GATAD2A: variants seen among roughly 807,000 people sequenced by gnomAD.
GATAD2A encodes GATA zinc finger domain containing 2A.
A neutral mutation model predicts 68.5 loss-of-function variants in GATAD2A; 12 were observed. The ratio of observed to expected loss-of-function variants is 0.18; its 90% CI spans 0.11 to 0.28. The LOEUF (loss-of-function observed/expected upper bound fraction) is 0.28, where lower values mean the gene tolerates loss of function less well. Ranked by LOEUF, GATAD2A falls within the 10% of genes least tolerant of loss-of-function variation. The pLI, the probability that GATAD2A is intolerant of heterozygous loss-of-function variation, is 1.00. For synonymous variants in GATAD2A, 410 were observed against 375.3 expected (o/e 1.09, Z -1.07); for missense variants, 755 against 868.5 (o/e 0.87, Z 1.64).
chr19:19,469,037 C>T (rs1434651516), intron 2 of GATAD2A, among the ~76,000 whole-genome samples: 9 of 152,208 alleles, frequency 5.9e-5, no homozygotes, highest in Non-Finnish European at 1.5e-5. Context: ...CTGTATCTTA[C>T]TGGAATCAAG....
At chr19:19,461,174 C>T (rs543638823) in intron 1 of GATAD2A, among the ~76,000 whole-genome samples, 5 of 152,294 alleles carry the variant, frequency 3.3e-5, no homozygotes, top group Admixed American at 6.5e-5. Flanking sequence ...CTGCTGCTCC[C>T]GCCAGTGCTT....
intron 3 of GATAD2A, 38 bp downstream of exon 3, chr19:19,492,476 G>C (rs948611589): frequency 1.2e-6 from 2 of 1,613,446 alleles, no homozygotes; most frequent in Non-Finnish European, 1.7e-6. Context: ...GAGCCCCACT[G>C]TGCCCTTCCT....
chr19:19,498,013 TG>T (rs1241918538), intron 7 of GATAD2A, among the ~76,000 whole-genome samples: 1 of 152,136 alleles, frequency 6.6e-6, no homozygotes, highest in African/African-American at 2.4e-5. Flanking sequence ...GAGAGGCTCA[TG>T]GGGGTGCTGC....
chr19:19,500,363 C>T (rs752993462), intron 8 of GATAD2A, among the ~76,000 whole-genome samples: 4 of 152,234 alleles, frequency 2.6e-5, no homozygotes, highest in South Asian at 2.1e-4. Context: ...CCGAGAGTCT[C>T]GCCACATCCA....
intron 1 of GATAD2A, among the ~76,000 whole-genome samples, chr19:19,437,498 A>T (rs768854795): frequency 6.6e-6 from 1 of 152,184 alleles, no homozygotes; most frequent in Non-Finnish European, 1.5e-5. Context: ...TTTTATATAT[A>T]TTCAAGAGTT....
At chr19:19,420,496 C>T (rs1300332320) in intron 1 of GATAD2A, among the ~76,000 whole-genome samples, 7 of 134,970 alleles carry the variant, frequency 5.2e-5, no homozygotes, top group African/African-American at 1.1e-4. Flanking sequence ...CACGCCTGGC[C>T]AATTTTTTTT....
At chr19:19,456,606 T>A (rs1239426927) in intron 1 of GATAD2A, among the ~76,000 whole-genome samples, 1 of 152,222 alleles carries the variant, frequency 6.6e-6, no homozygotes, top group Non-Finnish European at 1.5e-5. Context: ...CATCCCGCAG[T>A]GTTTTTAGGA....
In GATAD2A at chr19:19,508,777, C is replaced by G. The variant is rs1008642074; in HGVS notation, c.*3303C>G. On this transcript the variant is annotated 3_prime_UTR_variant, in exon 12 of 12. Transcript: ENST00000683918. ...GCTGTCACTTGTATTTATTGTGACT[C>G]TAAATCTTTGATAGTAAAACAAATG... The G allele has an allele frequency of 1.3e-5, 2 of 152,058 alleles. No homozygotes were observed. The highest frequency in any genetic ancestry group is 2.9e-5 in the Non-Finnish European group (2 of 68,024). 9.4% of individuals were successfully genotyped at this position (152,058 alleles called of 1,614,324 possible). A position where few individuals can be genotyped will look rare whatever the true frequency, so the allele number is the denominator to read the frequency against.
intron 1 of GATAD2A, chr19:19,429,256 G>T (rs533746867): frequency 5.5e-5 from 54 of 984,522 alleles, no homozygotes; most frequent in South Asian, 1.9e-4. Flanking sequence ...GAGGGGCTGG[G>T]GGGGAGAGCT....
chr19:19,507,037 A>G lies in GATAD2A; in HGVS notation c.*1563A>G, dbSNP rs2060894796. On this transcript the variant is annotated 3_prime_UTR_variant, in exon 12 of 12. Coordinates refer to ENST00000683918, the MANE Select transcript of GATAD2A (RefSeq NM_001384528.1). ...GGAAACTTTTTTTGACACAGCATAG[A>G]AGACCTAGTTTTGGAAAACATTATC... 1 of 152,136 alleles carries G rather than the reference A, an allele frequency of 6.6e-6. No homozygotes were observed. The highest frequency in any genetic ancestry group is 2.4e-5 in the African/African-American group (1 of 41,422). The allele number at this position is 152,136 out of a possible 1,614,324, so 9.4% of individuals were successfully genotyped here. A position where few individuals can be genotyped will look rare whatever the true frequency, so the allele number is the denominator to read the frequency against.
Position 19,415,851 on chromosome 19 carries a change from C to T in GATAD2A, c.-7+9832C>T, listed in dbSNP as rs536770242. 2.2e-3 allele frequency among the ~76,000 whole-genome samples: 329 copies of T among 151,674 alleles called. 1 individual carries two copies. The highest frequency in any genetic ancestry group is 7.6e-3 in the African/African-American group (315 of 41,346). On this transcript the variant is annotated intron_variant, in intron 1 of 11. Transcript: ENST00000683918. The stretch of plus-strand genomic sequence containing the variant: ...CAGGATGGTCTTGATCCCTTGACCT[C>T]GTGATCCACCCACCTTGGCCTCCCC...
upstream of GATAD2A, among the ~76,000 whole-genome samples, chr19:19,404,199 C>T (rs537377205): frequency 4.1e-4 from 62 of 151,500 alleles, no homozygotes; most frequent in Non-Finnish European, 7.9e-4. Flanking sequence ...ATGTAGAACT[C>T]AACACAGAAT....
chr19:19,389,386 C>T (rs1468438505), intron 1 of GATAD2A, among the ~76,000 whole-genome samples: 1 of 152,194 alleles, frequency 6.6e-6, no homozygotes, highest in Admixed American at 6.5e-5. Flanking sequence ...GTTCACTTTA[C>T]AGTTTGACTG....
chr19:19,412,455 G>A lies in GATAD2A; in HGVS notation c.-7+6436G>A, dbSNP rs183986780. Among the ~76,000 whole-genome samples, 723 of 151,662 alleles carry A rather than the reference G, an allele frequency of 4.8e-3. 3 individuals carry two copies. Among genetic ancestry groups the A allele is most frequent in the Non-Finnish European group, 8.4e-3 (570 of 67,894 alleles). On this transcript the variant is annotated intron_variant, in intron 1 of 11. Transcript: ENST00000683918. ...CAGGCGTGAGCCACCGTGCCCGGCC[G>A]ATTCCCCATCTCTTAAAAAAAAAAA...
At chr19:19,467,893 C>T (rs952731462) in intron 2 of GATAD2A, among the ~76,000 whole-genome samples, 1 of 152,180 alleles carries the variant, frequency 6.6e-6, no homozygotes, top group Non-Finnish European at 1.5e-5. Flanking sequence ...AGCTTTCTGC[C>T]TCCATCTTTT....
intron 1 of GATAD2A, among the ~76,000 whole-genome samples, chr19:19,454,893 G>C (rs2056785515): frequency 6.6e-6 from 1 of 152,218 alleles, no homozygotes; most frequent in Non-Finnish European, 1.5e-5. Context: ...GTGTGGTTTT[G>C]TTCAGGAGAA....
chr19:19,490,675 A>C (rs943679239), intron 2 of GATAD2A, among the ~76,000 whole-genome samples: 1 of 152,110 alleles, frequency 6.6e-6, no homozygotes, highest in Non-Finnish European at 1.5e-5. Flanking sequence ...TGAGGTCAGG[A>C]GTTCAAGACC....
intron 5 of GATAD2A, 53 bp downstream of exon 5, chr19:19,494,436 A>AC: frequency 8.8e-7 from 1 of 1,140,570 alleles, no homozygotes; most frequent in Non-Finnish European, 1.3e-6. Context: ...TGCTGCTGTC[A>AC]AGCACAGGCT....
chr19:19,427,113 G>T (rs926343239), intron 1 of GATAD2A, among the ~76,000 whole-genome samples: 2 of 151,948 alleles, frequency 1.3e-5, no homozygotes, highest in African/African-American at 4.8e-5. Context: ...GAAGGAAGAA[G>T]GGGGGTTGCC....
Sources: gnomAD v4.1 joint callset for allele counts (sites outside exome capture counted in the v4.1 genomes callset) on GRCh38, gnomAD v4.1.1 for gene constraint, MANE v1.5 for transcripts, NCBI Gene and HGNC (gene_info 2026-07-23, HGNC 2026-07-21) for gene names.